Variants in CCDC186 observed in about 807,000 individuals in gnomAD.
CCDC186 encodes the protein coiled-coil domain-containing protein 186.
Under a neutral mutation model 113.7 loss-of-function variants are expected in CCDC186, and 49 were observed. The observed-to-expected ratio is 0.43, with a 90% CI of 0.34 to 0.55. The LOEUF (loss-of-function observed/expected upper bound fraction) is 0.55, where lower values mean the gene tolerates loss of function less well. CCDC186 is among the 20% of genes least tolerant of loss of function. CCDC186 has a pLI of 0.02. For synonymous variants in CCDC186, 355 were observed against 345.8 expected (o/e 1.03, Z -0.30); for missense variants, 890 against 1,011.1 (o/e 0.88, Z 1.62).
chr10:114,168,783 C>A (rs538000442), intron 1 of CCDC186, among the ~76,000 whole-genome samples: 72 of 152,326 alleles, frequency 4.7e-4, no homozygotes, highest in African/African-American at 1.7e-3. Flanking sequence ...TTTCTTAAAA[C>A]TTTCTCTATT....
Position 114,127,620 on chromosome 10 carries a change from C to T in CCDC186, c.2234G>A (p.Gly745Glu). The change falls in exon 14 of 16, where the codon GGG (glycine) becomes GAG (glutamate). Residue 745 changes from glycine to glutamate, a missense_variant. By Grantham distance (98) the Gly-to-Glu change is moderately conservative. Coordinates refer to ENST00000369287, the MANE Select transcript of CCDC186 (RefSeq NM_018017.4). The stretch of plus-strand genomic sequence containing the variant: ...AAAGTTATCCACAGCTACTGAGGAC[C>T]CAGTATTTTCTGGAGATCGATCTTC... The part of the protein sequence containing the change: ...SAEDRSPENT[G>E]SSVAVDNFPQ... 1 of 1,613,928 alleles carries T rather than the reference C, an allele frequency of 6.2e-7. No homozygotes were observed. Among genetic ancestry groups the T allele is most frequent in the Non-Finnish European group, 8.5e-7 (1 of 1,179,976 alleles).
intron 1 of CCDC186, among the ~76,000 whole-genome samples, chr10:114,164,505 A>G (rs929543679): frequency 2.0e-5 from 3 of 152,156 alleles, no homozygotes; most frequent in Admixed American, 6.5e-5. Context: ...ATTATCCCAC[A>G]ACACATAATT....
At chr10:114,131,082 A>C in intron 12 of CCDC186, 65 bp downstream of exon 12, 3 of 1,295,666 alleles carry the variant, frequency 2.3e-6, no homozygotes, top group Non-Finnish European at 2.0e-6. Context: ...AATCACAAAA[A>C]ATAAAATCCT....
intron 14 of CCDC186, among the ~76,000 whole-genome samples, chr10:114,126,306 C>CA (rs968803707): frequency 6.6e-6 from 1 of 152,148 alleles, no homozygotes; most frequent in Admixed American, 6.5e-5. Flanking sequence ...GGAGTAAAGA[C>CA]ATATAAACAT....
chr10:114,123,713 GAC>G lies in CCDC186; in HGVS notation c.*1428_*1429del, dbSNP rs1405395048. 6.6e-6 allele frequency: 1 copy of G among 152,172 alleles called. No individual in the cohort carries two copies. The highest frequency in any genetic ancestry group is 1.5e-5 in the Non-Finnish European group (1 of 68,030). 9.4% of individuals were successfully genotyped at this position (152,172 alleles called of 1,614,324 possible). On this transcript the variant is annotated 3_prime_UTR_variant, in exon 16 of 16. Transcript: ENST00000369287. ...AATAAGGGGTGAGAAAAAATTCAAT[GAC>G]AGAAATATTGATACTACGGCAACAC...
intron 1 of CCDC186, among the ~76,000 whole-genome samples, chr10:114,164,506 A>G (rs2032278609): frequency 6.6e-6 from 1 of 152,150 alleles, no homozygotes; most frequent in African/African-American, 2.4e-5. Context: ...TTATCCCACA[A>G]CACATAATTA....
In CCDC186 at chr10:114,124,497, TCAAA is replaced by T. The variant is rs1451804250; in HGVS notation, c.*642_*645del. On this transcript the variant is annotated 3_prime_UTR_variant, in exon 16 of 16. Coordinates refer to ENST00000369287, the MANE Select transcript of CCDC186 (RefSeq NM_018017.4). Reference sequence around the variant, plus strand: ...AAACTTTAAAAATTCAACCATTAACTCAAACAATCAGAATCTGAAAAAATGTACC... The same window carrying T: ...AAACTTTAAAAATTCAACCATTAACTCAATCAGAATCTGAAAAAATGTACC... 1.3e-5 allele frequency: 2 copies of T among 152,202 alleles called. No homozygotes were observed. The highest frequency in any genetic ancestry group is 2.1e-4 in the South Asian group (1 of 4,826). 9.4% of individuals were successfully genotyped at this position (152,202 alleles called of 1,614,324 possible).
chr10:114,166,591 G>C (rs2032341555), intron 1 of CCDC186, among the ~76,000 whole-genome samples: 1 of 152,160 alleles, frequency 6.6e-6, no homozygotes, highest in South Asian at 2.1e-4. Context: ...AAACTCTTAA[G>C]TCTCATGCAA....
At chr10:114,128,186 C>T (rs2030973328) in intron 13 of CCDC186, among the ~76,000 whole-genome samples, 1 of 151,934 alleles carries the variant, frequency 6.6e-6, no homozygotes, top group African/African-American at 2.4e-5. Context: ...GATTGTTATC[C>T]TCATTTAAAT....
rs750008653 is a variant in CCDC186, at chr10:114,124,198, C to A, written c.*945G>T. 2 of 152,112 alleles carry A rather than the reference C, an allele frequency of 1.3e-5. No homozygotes were observed. The highest frequency in any genetic ancestry group is 2.9e-5 in the Non-Finnish European group (2 of 68,030). The allele number at this position is 152,112 out of a possible 1,614,324, so 9.4% of individuals were successfully genotyped here. On this transcript the variant is annotated 3_prime_UTR_variant, in exon 16 of 16. Transcript: ENST00000369287. ...CACTGAAACATCACATTTGGGGGAACTGTATGATCACTCCACTATAATACA... is the reference window on the plus strand; with the variant it reads ...CACTGAAACATCACATTTGGGGGAAATGTATGATCACTCCACTATAATACA...
intron 1 of CCDC186, among the ~76,000 whole-genome samples, chr10:114,163,586 T>G (rs984682791): frequency 6.6e-6 from 1 of 152,200 alleles, no homozygotes; most frequent in African/African-American, 2.4e-5. Context: ...TAATTTCAGT[T>G]GTAGTCTGGC....
chr10:114,147,417 C>T (rs1398688942), intron 4 of CCDC186, among the ~76,000 whole-genome samples: 1 of 152,032 alleles, frequency 6.6e-6, no homozygotes, highest in Non-Finnish European at 1.5e-5. Context: ...GTATTAAAGG[C>T]TAAGCAGAAT....
chr10:114,142,629 T>C (rs2119758967), intron 6 of CCDC186, among the ~76,000 whole-genome samples: 1 of 152,318 alleles, frequency 6.6e-6, no homozygotes, highest in African/African-American at 2.4e-5. Context: ...GGAAACAAAT[T>C]GTTTCTCTTG....
intron 1 of CCDC186, chr10:114,165,821 C>G: frequency 1.2e-6 from 1 of 860,234 alleles, no homozygotes; most frequent in African/African-American, 2.2e-5. Flanking sequence ...GCACTCCAGC[C>G]TGGGCAACAG....
At chr10:114,126,725 G>A (rs555886252) in intron 14 of CCDC186, among the ~76,000 whole-genome samples, 4 of 152,270 alleles carry the variant, frequency 2.6e-5, no homozygotes, top group Non-Finnish European at 5.9e-5. Flanking sequence ...ACAACTTGCT[G>A]TACTTTATGC....
rs1219325739 is a variant in CCDC186, at chr10:114,121,265, T to A, written c.*3878A>T. ...TCAACAATCTTGGTGTCAAAAAAAA[T>A]TGCTTTTAAAAAAAGGTTATTGAAA... On this transcript the variant is annotated 3_prime_UTR_variant, in exon 16 of 16. Coordinates refer to ENST00000369287, the MANE Select transcript of CCDC186 (RefSeq NM_018017.4). 6.6e-6 allele frequency: 1 copy of A among 152,104 alleles called. No individual in the cohort carries two copies. The highest frequency in any genetic ancestry group is 1.5e-5 in the Non-Finnish European group (1 of 68,006). The allele number at this position is 152,104 out of a possible 1,614,324, so 9.4% of individuals were successfully genotyped here.
At chr10:114,167,799 TAAAAA>T (rs60257583) in intron 1 of CCDC186, among the ~76,000 whole-genome samples, 9,421 of 71,054 alleles carry the variant, frequency 0.13, 453 homozygotes, top group Middle Eastern at 0.25. Flanking sequence ...CTAATCTCCG[TAAAAA>T]AAAAAAAAAA....
intron 1 of CCDC186, among the ~76,000 whole-genome samples, chr10:114,170,839 T>C (rs2032474234): frequency 6.6e-6 from 1 of 151,934 alleles, no homozygotes; most frequent in Non-Finnish European, 1.5e-5. Context: ...AAAAAAAGAC[T>C]TGAGCAATAG....
intron 6 of CCDC186, 118 bp from the exon 7 acceptor site, chr10:114,137,408 T>C (rs2031299854): frequency 1.6e-6 from 1 of 641,484 alleles, no homozygotes; most frequent in African/African-American, 1.8e-5. Flanking sequence ...CGATTATTAT[T>C]CTAGCAATAA....
Sources: allele counts gnomAD v4.1 joint callset (sites outside exome capture counted in the v4.1 genomes callset), GRCh38; gene constraint gnomAD v4.1.1; transcripts MANE v1.5; gene names NCBI Gene and HGNC (gene_info 2026-07-23, HGNC 2026-07-21).